SLC9A3: variants seen among roughly 807,000 people sequenced by gnomAD.
SLC9A3 encodes the protein sodium/hydrogen exchanger 3.
A neutral mutation model predicts 86.8 loss-of-function variants in SLC9A3; 37 were observed. The ratio of observed to expected loss-of-function variants is 0.43; its 90% CI spans 0.33 to 0.56. The LOEUF is 0.56. Ranked by LOEUF, SLC9A3 falls within the 20% of genes least tolerant of loss-of-function variation. The pLI is 0.06. For missense variants in SLC9A3, 1,011 were observed against 1,171.9 expected, an observed-to-expected ratio of 0.86 and a Z score of 2.00; for synonymous variants, 581 against 528.3, an observed-to-expected ratio of 1.10 and a Z score of -1.37.
chr5:492,057 G>A lies in SLC9A3; in HGVS notation c.226C>T (p.His76Tyr), dbSNP rs1739773374. 2 of 1,525,834 alleles carry A rather than the reference G, an allele frequency of 1.3e-6. No homozygotes were observed. Among genetic ancestry groups the A allele is most frequent in the Non-Finnish European group, 1.8e-6 (2 of 1,132,308 alleles). 94.5% of individuals were successfully genotyped at this position (1,525,834 alleles called of 1,614,324 possible). A position where few individuals can be genotyped will look rare whatever the true frequency, so the allele number is the denominator to read the frequency against. The part of the protein sequence containing the change: ...SLAKIGFHLS[H>Y]KVTSVVPESA... ...TCGGGAACCACGCTGGTGACCTTGT[G>A]GGACAGGTGGAACCCTGTGGGGGAA... The change falls in exon 2 of 17, where the codon CAC (histidine) becomes TAC (tyrosine). Residue 76 changes from histidine (H) to tyrosine (Y), a missense_variant. This residue lies in a region of SLC9A3 where 565 missense variants were observed against 790.0 expected (regional missense o/e 0.72). Transcript: ENST00000264938.
intron 1 of SLC9A3, among the ~76,000 whole-genome samples, chr5:523,154 G>A (rs1733934356): frequency 6.6e-6 from 1 of 152,110 alleles, no homozygotes; most frequent in African/African-American, 2.4e-5. Context: ...TAGGGCAGGC[G>A]GCAGGCGTCA....
rs1740074812 is a variant in SLC9A3 at position 497,458 on chromosome 5, GGGACTGCTGTGAAGGACACAGTCAGCC to G, written c.212-5414_212-5388del. 6.6e-6 allele frequency among the ~76,000 whole-genome samples: 1 copy of G among 152,180 alleles called. No homozygotes were observed. Among genetic ancestry groups the G allele is most frequent in the Non-Finnish European group, 1.5e-5 (1 of 68,030 alleles). Reference sequence around the variant, plus strand: ...CTGTGTCTGAGCCTGTCTGGGCACCGGGACTGCTGTGAAGGACACAGTCAGCCGGACTTTGCTTAGTTCACCTGTCGG... The same window carrying G: ...CTGTGTCTGAGCCTGTCTGGGCACCGGGACTTTGCTTAGTTCACCTGTCGG... On this transcript the variant is annotated intron_variant, in intron 1 of 16. Transcript: ENST00000264938. The surrounding 1 kb of genome is among the most constrained non-coding windows in gnomAD (Gnocchi z 5.4).
chr5:484,501 G>A lies in SLC9A3; in HGVS notation c.932+19C>T, dbSNP rs375423450. The A allele has an allele frequency of 4.0e-5, 64 of 1,611,534 alleles. No individual in the cohort carries two copies. The highest frequency in any genetic ancestry group is 2.4e-4 in the African/African-American group (18 of 75,018). ...GGGAGGAGGGCGTGGAGAAGCTCGC[G>A]TGTGTGGGAGGGACTCACGCGAGGA... On this transcript the variant is annotated intron_variant, in intron 5 of 16. Coordinates refer to ENST00000264938, the MANE Select transcript of SLC9A3 (RefSeq NM_004174.4).
chr5:475,174 C>T, intron 15 of SLC9A3, 42 bp from the exon 16 acceptor site: 1 of 1,527,200 alleles, frequency 6.5e-7, no homozygotes, highest in Non-Finnish European at 8.8e-7. Flanking sequence ...CGGAGAGCCC[C>T]ACGGCGGCAG....
At chr5:485,303 G>C (rs72700697) in intron 3 of SLC9A3, 72 bp from the exon 4 acceptor site, 3 of 1,250,674 alleles carry the variant, frequency 2.4e-6, no homozygotes, top group Non-Finnish European at 3.5e-6. Flanking sequence ...CCCGGGCCTC[G>C]CTGGACTTGG....
chr5:488,811 G>A (rs6894329), intron 2 of SLC9A3, among the ~76,000 whole-genome samples: 58,647 of 152,080 alleles, frequency 0.39, 11,527 homozygotes, highest in Admixed American at 0.44. Flanking sequence ...GCCTGGAGTG[G>A]CGTCCCAGCC....
At chr5:519,610 C>T (rs1043708837) in intron 1 of SLC9A3, among the ~76,000 whole-genome samples, 5 of 152,132 alleles carry the variant, frequency 3.3e-5, no homozygotes, top group East Asian at 1.9e-4. Flanking sequence ...AGCGGGGGTC[C>T]GGGAGTCAAG....
chr5:476,151 C>G (rs966262333), intron 13 of SLC9A3, 51 bp downstream of exon 13: 1 of 1,611,442 alleles, frequency 6.2e-7, no homozygotes, highest in Admixed American at 1.7e-5. Context: ...GCCCTGACTG[C>G]CCCCGCTCCA....
intron 1 of SLC9A3, among the ~76,000 whole-genome samples, chr5:510,747 C>CG (rs1326365590): frequency 2.0e-5 from 3 of 151,742 alleles, no homozygotes; most frequent in Non-Finnish European, 2.9e-5. Flanking sequence ...GGGAATCCTG[C>CG]GGGGGGAAGG....
At chr5:492,848 G>T in intron 1 of SLC9A3, among the ~76,000 whole-genome samples, 1 of 152,166 alleles carries the variant, frequency 6.6e-6, no homozygotes, top group Non-Finnish European at 1.5e-5. Context: ...CCCCATGGAG[G>T]CTGTGGCCCC....
At chr5:515,112 C>G (rs12657794) in intron 1 of SLC9A3, among the ~76,000 whole-genome samples, 2 of 152,082 alleles carry the variant, frequency 1.3e-5, no homozygotes, top group Non-Finnish European at 2.9e-5. Flanking sequence ...GGGGAGATTT[C>G]TCGGCCCCCC....
chr5:487,967 C>CA (rs1460855167), intron 3 of SLC9A3, among the ~76,000 whole-genome samples: 2 of 152,228 alleles, frequency 1.3e-5, no homozygotes, highest in Non-Finnish European at 2.9e-5. Context: ...CGCACCCGGC[C>CA]ACTCATGTAT....
chr5:503,322 A>G (rs1156562071), intron 1 of SLC9A3, among the ~76,000 whole-genome samples: 1 of 152,136 alleles, frequency 6.6e-6, no homozygotes, highest in African/African-American at 2.4e-5. Context: ...GATCGCTTGA[A>G]CCCAGGAGTT....
chr5:493,365 A>G (rs1175754478), intron 1 of SLC9A3, among the ~76,000 whole-genome samples: 1 of 152,214 alleles, frequency 6.6e-6, no homozygotes, highest in East Asian at 1.9e-4. Context: ...CCCGCCCCCG[A>G]AGAATGTGTC....
At chr5:483,557 C>G (rs1423845912) in intron 5 of SLC9A3, 75 bp from the exon 6 acceptor site, 11 of 1,063,250 alleles carry the variant, frequency 1.0e-5, no homozygotes, top group East Asian at 2.6e-5. Flanking sequence ...CCCAGCCCCC[C>G]ACGGCCTGGC....
intron 1 of SLC9A3, among the ~76,000 whole-genome samples, chr5:507,293 G>A (rs1249704447): frequency 4.9e-5 from 7 of 142,980 alleles, no homozygotes; most frequent in East Asian, 2.1e-4. Flanking sequence ...TCAGCCTCCC[G>A]AGTAGCTGGG....
chr5:523,085 T>G (rs535882534), intron 1 of SLC9A3, among the ~76,000 whole-genome samples: 263 of 152,254 alleles, frequency 1.7e-3, no homozygotes, highest in Non-Finnish European at 3.2e-3. Context: ...GAAGAGCCCT[T>G]ATGAGACAGA....
intron 1 of SLC9A3, among the ~76,000 whole-genome samples, chr5:492,664 G>GC (rs200221365): frequency 1.3e-5 from 2 of 151,976 alleles, no homozygotes. Context: ...GTGGTCGGGG[G>GC]GGGGCCTCTG....
At chr5:476,481 A>T in intron 12 of SLC9A3, 62 bp downstream of exon 12, 1 of 1,602,736 alleles carries the variant, frequency 6.2e-7, no homozygotes, top group Non-Finnish European at 8.5e-7. Flanking sequence ...CCAGGAGGGG[A>T]CGAGGAAGCC....
Sources: gnomAD v4.1 joint callset for allele counts (sites outside exome capture counted in the v4.1 genomes callset) on GRCh38, gnomAD v4.1.1 for gene constraint, gnomAD v4.1.1 regional missense constraint, Gnocchi (gnomAD v3.1) non-coding constraint, MANE v1.5 for transcripts, NCBI Gene and HGNC (gene_info 2026-07-23, HGNC 2026-07-21) for gene names.